SLC68A1: variants seen among roughly 807,000 people sequenced by gnomAD.
The protein encoded by SLC68A1 is solute carrier family 68 member 1.
chr10:102,466,405 C>G, the SLC68A1 span, among the ~76,000 whole-genome samples: 1 of 150,158 alleles, frequency 6.7e-6, no homozygotes, highest in African/African-American at 2.5e-5. Flanking sequence ...ATTGCTTGAA[C>G]CTGGGAAGCG....
the SLC68A1 span, chr10:102,476,215 G>A: frequency 0.13 from 80,953 of 633,718 alleles, 7,627 homozygotes; most frequent in East Asian, 0.45. Context: ...TTATAGGAGC[G>A]TGCCACCATG....
the SLC68A1 span, chr10:102,471,429 T>C: frequency 7.5e-6 from 12 of 1,598,060 alleles, no homozygotes; most frequent in African/African-American, 1.5e-4. Context: ...CCTCTACAGC[T>C]GGGCTGGACT....
At chr10:102,463,696 C>G in the SLC68A1 span, among the ~76,000 whole-genome samples, 3 of 152,144 alleles carry the variant, frequency 2.0e-5, no homozygotes, top group Admixed American at 2.0e-4. Flanking sequence ...ACTCCAGCAC[C>G]TACTAGCTTT....
chr10:102,476,241 T>C, the SLC68A1 span: 1 of 475,242 alleles, frequency 2.1e-6, no homozygotes, highest in Non-Finnish European at 3.2e-6. Flanking sequence ...CTACTTTTTG[T>C]ATTTTTAGTA....
the SLC68A1 span, chr10:102,461,396 G>C: frequency 6.6e-6 from 1 of 152,262 alleles, no homozygotes; most frequent in Non-Finnish European, 1.5e-5. Context: ...AGGCGCATTG[G>C]CTCGCACCTG....
At chr10:102,470,674 C>CG in the SLC68A1 span, 1 of 1,607,860 alleles carries the variant, frequency 6.2e-7, no homozygotes, top group African/African-American at 1.3e-5. Flanking sequence ...GGTCAGGCGC[C>CG]GGGCTCTCCT....
the SLC68A1 span, among the ~76,000 whole-genome samples, chr10:102,475,079 G>C: frequency 1.3e-5 from 2 of 152,088 alleles, no homozygotes; most frequent in Admixed American, 1.3e-4. Flanking sequence ...ATCACCTGAG[G>C]TCAGGAGTTT....
At chr10:102,463,086 C>T in the SLC68A1 span, among the ~76,000 whole-genome samples, 1 of 151,970 alleles carries the variant, frequency 6.6e-6, no homozygotes, top group African/African-American at 2.4e-5. Flanking sequence ...GGCCAATCGA[C>T]CCAGCAGGGA....
chr10:102,467,355 A>G, the SLC68A1 span, among the ~76,000 whole-genome samples: 1 of 152,124 alleles, frequency 6.6e-6, no homozygotes, highest in African/African-American at 2.4e-5. Flanking sequence ...TTTTTAACAT[A>G]CGTTACTCAG....
the SLC68A1 span, chr10:102,472,729 C>T: frequency 1.3e-6 from 1 of 757,570 alleles, no homozygotes; most frequent in East Asian, 2.5e-5. Context: ...GGGAAAAAGG[C>T]CTGCTCTCGC....
the SLC68A1 span, among the ~76,000 whole-genome samples, chr10:102,465,098 C>CA: frequency 6.0e-5 from 9 of 149,500 alleles, no homozygotes; most frequent in South Asian, 8.4e-4. Context: ...ACTAAATATA[C>CA]AAAAAAAAAA....
chr10:102,471,044 A>G, the SLC68A1 span: 26 of 1,613,656 alleles, frequency 1.6e-5, no homozygotes, highest in East Asian at 6.7e-5. Context: ...TCTGGGGGCC[A>G]CACAGCTGCT....
chr10:102,466,967 TAGGGAAGG>T, the SLC68A1 span, among the ~76,000 whole-genome samples: 1 of 152,254 alleles, frequency 6.6e-6, no homozygotes, highest in African/African-American at 2.4e-5. Flanking sequence ...CTCTCCATTT[TAGGGAAGG>T]GCTGAGAGGT....
At chr10:102,471,541 C>A in the SLC68A1 span, 1 of 1,205,380 alleles carries the variant, frequency 8.3e-7, no homozygotes, top group Non-Finnish European at 1.2e-6. Context: ...GGGTGGATCA[C>A]TTGAGGACAG....
chr10:102,472,817 C>G, the SLC68A1 span: 1 of 1,540,868 alleles, frequency 6.5e-7, no homozygotes, highest in Middle Eastern at 1.7e-4. Context: ...GCTCTCCTCC[C>G]ACTGGAAGCC....
the SLC68A1 span, chr10:102,476,507 G>A: frequency 1.2e-5 from 12 of 985,862 alleles, no homozygotes; most frequent in Non-Finnish European, 1.4e-5. Context: ...ACTCGGCCAG[G>A]AGCTAGTTTT....
the SLC68A1 span, chr10:102,469,073 C>T: frequency 6.2e-7 from 1 of 1,614,112 alleles, no homozygotes; most frequent in Non-Finnish European, 8.5e-7. Flanking sequence ...GGTCTGCCCA[C>T]AGCTGTGGTC....
At chr10:102,469,867 C>A in the SLC68A1 span, 48 of 1,441,242 alleles carry the variant, frequency 3.3e-5, no homozygotes, top group Middle Eastern at 2.3e-4. Context: ...GGAACTGACA[C>A]CAGCAAAGGT....
At chr10:102,473,063 T>A in the SLC68A1 span, 1 of 842,324 alleles carries the variant, frequency 1.2e-6, no homozygotes, top group Non-Finnish European at 2.0e-6. Flanking sequence ...CCCGACCCAG[T>A]GATCCACCTG....
Sources: gnomAD v4.1 joint callset for allele counts (sites outside exome capture counted in the v4.1 genomes callset) on GRCh38, gnomAD v4.1.1 for gene constraint, MANE v1.5 for transcripts, NCBI Gene and HGNC (gene_info 2026-07-23, HGNC 2026-07-21) for gene names.